Variants in ZNF385C observed in about 807,000 individuals in gnomAD.
ZNF385C encodes zinc finger protein 385C, also known as CTD-2132N18.2.
A neutral mutation model predicts 35.4 loss-of-function variants in ZNF385C; 28 were observed. That is an observed-to-expected ratio of 0.79 (90% CI 0.59 to 1.08). The LOEUF is 1.08. Among genes scored for constraint, ZNF385C ranks in the 50% least tolerant of loss-of-function variants. The probability of loss-of-function intolerance (pLI) is 0.00; values close to 1 mark genes in which losing one functional copy is unlikely to be tolerated. For synonymous variants in ZNF385C, 248 were observed against 248.2 expected (o/e 1.00, Z 0.01); for missense variants, 605 against 595.6 (o/e 1.02, Z -0.16).
intron 1 of ZNF385C, among the ~76,000 whole-genome samples, chr17:42,070,618 G>A (rs563934987): frequency 6.6e-6 from 1 of 152,316 alleles, no homozygotes; most frequent in Admixed American, 6.5e-5. Context: ...CTGAGGCTCA[G>A]CATCACAAAG....
chr17:42,028,899 G>T lies in ZNF385C; in HGVS notation c.851C>A (p.Ala284Glu), dbSNP rs1042723187. The T allele has an allele frequency of 1.3e-5, 20 of 1,550,476 alleles. No individual in the cohort carries two copies. The highest frequency in any genetic ancestry group is 1.7e-5 in the Non-Finnish European group (20 of 1,147,010). ...ACTCATGCTGCTTCCCACGGCAGCT[G>T]CCGCTGGCTCAGGCCCCGGTGCCTC... ...GREAPGPEPA[A>E]AAVGSSMSGE... The change falls in exon 6 of 9, where the codon GCA (alanine) becomes GAA (glutamate). Residue 284 changes from alanine to glutamate, a missense_variant. Ala to Glu is a moderately radical substitution (Grantham distance 107). Coordinates refer to ENST00000692273, the MANE Select transcript of ZNF385C (RefSeq NM_001392013.1).
chr17:42,052,958 G>A (rs2053311313), intron 2 of ZNF385C, among the ~76,000 whole-genome samples: 1 of 152,174 alleles, frequency 6.6e-6, no homozygotes, highest in Non-Finnish European at 1.5e-5. Flanking sequence ...TTTCTATCAT[G>A]GATAAAAACC....
At chr17:42,030,600 A>G (rs368702500) in intron 5 of ZNF385C, among the ~76,000 whole-genome samples, 33 of 152,358 alleles carry the variant, frequency 2.2e-4, no homozygotes, top group African/African-American at 7.9e-4. Flanking sequence ...TGCTGAGAAA[A>G]GTCAGGATCG....
intron 4 of ZNF385C, 35 bp from the exon 5 acceptor site, chr17:42,031,819 G>A: frequency 1.3e-6 from 2 of 1,545,588 alleles, no homozygotes; most frequent in Non-Finnish European, 1.7e-6. Context: ...ACCATTCACT[G>A]GCTGAGTCCA....
At chr17:42,040,381 T>G (rs1555656006) in intron 2 of ZNF385C, 1 of 1,231,788 alleles carries the variant, frequency 8.1e-7, no homozygotes, top group Non-Finnish European at 1.0e-6. Context: ...CAGGAAGCCC[T>G]GGAGGCGGGC....
intron 2 of ZNF385C, chr17:42,061,207 A>ATTTTTTTTTTTTTTTTTTTTTTTTTTTTT (rs10617911): frequency 3.5e-5 from 2 of 57,508 alleles, no homozygotes; most frequent in African/African-American, 6.6e-5. Flanking sequence ...TAATGAGTTA[A>ATTTTTTTTTTTTTTTTTTTTTTTTTTTTT]TTTTTTTTTT....
At chr17:42,034,993 C>T (rs1425902786) in intron 3 of ZNF385C, among the ~76,000 whole-genome samples, 1 of 150,948 alleles carries the variant, frequency 6.6e-6, no homozygotes, top group African/African-American at 2.4e-5. Context: ...TGTGGTGGCA[C>T]GTGCCTGTAG....
Position 42,062,933 on chromosome 17 carries a change from A to G in ZNF385C, c.124T>C (p.Tyr42His), listed in dbSNP as rs1555658124. 1 of 698,760 alleles carries G rather than the reference A, an allele frequency of 1.4e-6. No homozygotes were observed. Among genetic ancestry groups the G allele is most frequent in the Non-Finnish European group, 2.6e-6 (1 of 382,966 alleles). 43.3% of individuals were successfully genotyped at this position (698,760 alleles called of 1,614,324 possible). Residue 42 changes from tyrosine (Y) to histidine (H), a missense_variant, in exon 2 of 9, where the codon TAC becomes CAC. Tyr to His is a moderately conservative substitution (Grantham distance 83). Transcript: ENST00000692273. Reference protein sequence around the residue: ...KPKRERKRPSYTLCDVCNIQL... With the variant: ...KPKRERKRPSHTLCDVCNIQL... Reference sequence around the variant, plus strand: ...ATGTTGCAGACATCACAGAGCGTGTACGATGGCCGCTTTCTTTCTCGCTTG... The same window carrying G: ...ATGTTGCAGACATCACAGAGCGTGTGCGATGGCCGCTTTCTTTCTCGCTTG...
At chr17:42,041,108 T>G in intron 2 of ZNF385C, 1 of 1,232,258 alleles carries the variant, frequency 8.1e-7, no homozygotes, top group Non-Finnish European at 1.0e-6. Flanking sequence ...CAGTCTCTGG[T>G]CTCGTCCAAC....
In ZNF385C at chr17:42,028,808, G is replaced by A. The variant is rs1358887492; in HGVS notation, c.942C>T (p.Ala314=). 2 of 1,550,192 alleles carry A rather than the reference G, an allele frequency of 1.3e-6. No individual in the cohort carries two copies. The highest frequency in any genetic ancestry group is 2.7e-5 in the African/African-American group (2 of 73,052). ...CTGTGTTGTGAGCCTGAAGCTGGGAGGCCGAGTTCACTGTCACCTTACACG... is the reference window on the plus strand; with the variant it reads ...CTGTGTTGTGAGCCTGAAGCTGGGAAGCCGAGTTCACTGTCACCTTACACG... The part of the protein sequence containing the change: ...CPTCKVTVNS[A]SQLQAHNTGA... The change falls in exon 6 of 9, where the codon GCC becomes GCT. Residue 314 remains alanine (A), a synonymous_variant. Coordinates refer to ENST00000692273, the MANE Select transcript of ZNF385C (RefSeq NM_001392013.1).
intron 2 of ZNF385C, among the ~76,000 whole-genome samples, chr17:42,054,802 G>A (rs935821420): frequency 6.6e-6 from 1 of 151,886 alleles, no homozygotes; most frequent in South Asian, 2.1e-4. Flanking sequence ...GGGTGATCTC[G>A]AACTCCTGAC....
At position 42,027,121 on chromosome 17, in the gene ZNF385C, A is replaced by G. The variant is rs1555654288; in HGVS notation, c.1288T>C (p.Leu430=). ...AACGTCTTGGTGAGTTGCTTCTGCA[A>G]GGCCAGTTTAGACTACACGGAAAAG... ...AVSILKSKLA[L]QKQLTKTLAA... is the part of the protein sequence containing the mutation. Residue 430 remains leucine (L), a synonymous_variant, in exon 9 of 9, where the codon TTG becomes CTG. Coordinates refer to ENST00000692273, the MANE Select transcript of ZNF385C (RefSeq NM_001392013.1). The G allele has an allele frequency of 6.2e-7, 1 of 1,613,504 alleles. No homozygotes were observed. Among genetic ancestry groups the G allele is most frequent in the Non-Finnish European group, 8.5e-7 (1 of 1,179,844 alleles).
intron 2 of ZNF385C, among the ~76,000 whole-genome samples, chr17:42,060,584 G>C (rs1167133062): frequency 6.7e-6 from 1 of 150,194 alleles, no homozygotes; most frequent in African/African-American, 2.4e-5. Flanking sequence ...CCCACCCAAA[G>C]AGCCATGGGC....
intron 6 of ZNF385C, 103 bp from the exon 7 acceptor site, chr17:42,028,349 C>G: frequency 8.3e-7 from 1 of 1,212,014 alleles, no homozygotes; most frequent in Non-Finnish European, 1.1e-6. Context: ...GTAAGCCTCA[C>G]GGCTGCTCTG....
In ZNF385C at chr17:42,041,338, G is replaced by A. The variant is rs140078767; in HGVS notation, c.251-3453C>T. The A allele has an allele frequency of 1.4e-3, 890 of 634,312 alleles. 2 individuals are homozygous for A. Among genetic ancestry groups the A allele is most frequent in the African/African-American group, 0.012 (630 of 53,022 alleles). The allele number at this position is 634,312 out of a possible 1,614,324, so 39.3% of individuals were successfully genotyped here. On this transcript the variant is annotated intron_variant, in intron 2 of 8. Coordinates refer to ENST00000692273, the MANE Select transcript of ZNF385C (RefSeq NM_001392013.1). ...ATCCTGGCTTTGCCACTTACTGGCT[G>A]TGCTACCTTCGGCCAGTCACTTCAC... is the stretch of plus-strand genomic sequence containing the variant.
intron 3 of ZNF385C, among the ~76,000 whole-genome samples, chr17:42,035,820 C>T (rs1005021605): frequency 1.3e-5 from 2 of 151,854 alleles, no homozygotes; most frequent in Non-Finnish European, 2.9e-5. Context: ...TCCCAATGTG[C>T]TGGAATTACA....
chr17:42,033,480 G>A (rs1400018574), intron 4 of ZNF385C, among the ~76,000 whole-genome samples: 1 of 152,242 alleles, frequency 6.6e-6, no homozygotes, highest in African/African-American at 2.4e-5. Flanking sequence ...GCCAGGCGCG[G>A]TGGCTCACAC....
Position 42,037,735 on chromosome 17 carries a change from A to G in ZNF385C, c.399+2T>C. The G allele has an allele frequency of 1.3e-6, 2 of 1,527,648 alleles. No homozygotes were observed. The highest frequency in any genetic ancestry group is 8.8e-7 in the Non-Finnish European group (1 of 1,136,872). The allele number at this position is 1,527,648 out of a possible 1,614,324, so 94.6% of individuals were successfully genotyped here. On this transcript the variant is annotated splice_donor_variant, in intron 3 of 8. Transcript: ENST00000692273. LOFTEE classifies it high-confidence loss of function. ...GCCCCCACCCGCCAGCCCAGCCCAT[A>G]CCGTGCTGAAGTTGGGGAAGAGACT...
In ZNF385C at chr17:42,034,278, T is replaced by A; in HGVS notation, c.457A>T (p.Lys153Ter). 1 of 1,550,560 alleles carries A rather than the reference T, an allele frequency of 6.4e-7. No individual in the cohort carries two copies. The change falls in exon 4 of 9, where the codon AAG (lysine) becomes TAG (stop). Residue 153 changes from lysine (K) to a stop codon, truncating the protein, a stop_gained. Transcript: ENST00000692273. LOFTEE classifies it high-confidence loss of function. Reference protein sequence around the residue: ...SHTFGVPSPLKKKLFISCNIC... With the variant: ...SHTFGVPSPL ...TTACAGGAAATGAACAGCTTCTTCT[T>A]CAGAGGGGAGGGGACACCAAACGTG...
Sources: allele counts gnomAD v4.1 joint callset (sites outside exome capture counted in the v4.1 genomes callset), GRCh38; gene constraint gnomAD v4.1.1; transcripts MANE v1.5; gene names NCBI Gene and HGNC (gene_info 2026-07-23, HGNC 2026-07-21).